Variants in DCC observed in about 807,000 individuals in gnomAD.
DCC encodes the protein DCC netrin 1 receptor.
A neutral mutation model predicts 172.5 loss-of-function variants in DCC; 58 were observed. The ratio of observed to expected loss-of-function variants is 0.34; its 90% CI spans 0.27 to 0.42. The LOEUF (loss-of-function observed/expected upper bound fraction) is 0.42. DCC is among the 10% of genes least tolerant of loss of function. DCC has a pLI of 1.00. For synonymous variants in DCC, 709 were observed against 644.5 expected (o/e 1.10, Z -1.52); for missense variants, 1,740 against 1,791.0 (o/e 0.97, Z 0.51).
chr18:52,526,373 G>T (rs891955910), intron 1 of DCC, among the ~76,000 whole-genome samples: 2 of 152,134 alleles, frequency 1.3e-5, no homozygotes, highest in African/African-American at 4.8e-5. Context: ...ATCAGTGACA[G>T]CAGCCCCTGA....
chr18:52,685,543 A>G lies in DCC; in HGVS notation c.92-66511A>G, dbSNP rs563777626. Among the ~76,000 whole-genome samples, 3 of 152,238 alleles carry G rather than the reference A, an allele frequency of 2.0e-5. No individual in the cohort carries two copies. The South Asian group carries it at 6.2e-4, about 32-fold the overall frequency. ...CATGGAATGAGTAATGCCCTCTCTC[A>G]GGAGTGAGTAACTTCTCGTTGTGGC... On this transcript the variant is annotated intron_variant, in intron 1 of 28. Transcript: ENST00000442544.
At chr18:52,502,263 G>GA (rs986248747) in intron 1 of DCC, among the ~76,000 whole-genome samples, 3 of 152,028 alleles carry the variant, frequency 2.0e-5, no homozygotes, top group East Asian at 1.9e-4. Context: ...AGTAAATAAA[G>GA]AAAAAAATGT....
intron 12 of DCC, among the ~76,000 whole-genome samples, chr18:53,240,979 G>A (rs1423429380): frequency 2.0e-5 from 3 of 152,136 alleles, no homozygotes; most frequent in Admixed American, 6.5e-5. Flanking sequence ...GTGCAGAAGA[G>A]CCACTGAAAT....
At chr18:53,280,020 A>G (rs181300004) in intron 12 of DCC, among the ~76,000 whole-genome samples, 21 of 152,210 alleles carry the variant, frequency 1.4e-4, no homozygotes, top group African/African-American at 4.8e-4. Flanking sequence ...AAAATAATCT[A>G]TACCAAGCCC....
At chr18:53,248,002 A>G (rs867057534) in intron 12 of DCC, among the ~76,000 whole-genome samples, 39 of 151,946 alleles carry the variant, frequency 2.6e-4, no homozygotes, top group Admixed American at 7.9e-4. Context: ...TAACTGCTCC[A>G]TGTCTGATCT....
rs138338187 is a variant in DCC at position 53,332,391 on chromosome 18, A to T, written c.2165-7322A>T. Reference sequence around the variant, plus strand: ...ACAAAATGCAGTTAAAAATTACAAAACAATGTTGAACTGTAAAAACTTGTG... The same window carrying T: ...ACAAAATGCAGTTAAAAATTACAAATCAATGTTGAACTGTAAAAACTTGTG... On this transcript the variant is annotated intron_variant, in intron 14 of 28. Coordinates refer to ENST00000442544, the MANE Select transcript of DCC (RefSeq NM_005215.4). 4.1e-3 allele frequency among the ~76,000 whole-genome samples: 620 copies of T among 152,340 alleles called. 5 individuals are homozygous for T. The highest frequency in any genetic ancestry group is 0.014 in the African/African-American group (587 of 41,584).
At chr18:52,789,820 G>C (rs941734251) in intron 2 of DCC, among the ~76,000 whole-genome samples, 9 of 152,048 alleles carry the variant, frequency 5.9e-5, no homozygotes, top group Admixed American at 5.9e-4. Flanking sequence ...GGAGGAGCCT[G>C]GTTTACAGTT....
intron 1 of DCC, among the ~76,000 whole-genome samples, chr18:52,699,415 C>A (rs531130176): frequency 1.3e-5 from 2 of 152,162 alleles, no homozygotes; most frequent in African/African-American, 2.4e-5. Flanking sequence ...CCTATCCCCC[C>A]CAAGGTTTGA....
chr18:53,085,982 T>C (rs554023287), intron 7 of DCC, among the ~76,000 whole-genome samples: 5 of 65,592 alleles, frequency 7.6e-5, no homozygotes, highest in African/African-American at 4.7e-4. Context: ...TTCTTCTTCT[T>C]CTTCTTCTCC....
At chr18:52,488,956 CCTT>C (rs1429577857) in intron 1 of DCC, among the ~76,000 whole-genome samples, 1 of 152,014 alleles carries the variant, frequency 6.6e-6, no homozygotes, top group East Asian at 1.9e-4. Flanking sequence ...GCCTCTTCCC[CCTT>C]CTTCTCTTCA....
intron 1 of DCC, among the ~76,000 whole-genome samples, chr18:52,358,061 C>T (rs780282119): frequency 8.5e-5 from 13 of 152,076 alleles, no homozygotes; most frequent in Non-Finnish European, 1.8e-4. Flanking sequence ...GATGGCATTT[C>T]ACCTCTGTGA....
intron 5 of DCC, among the ~76,000 whole-genome samples, chr18:53,023,353 AAAAAT>A (rs1326995496): frequency 4.0e-5 from 6 of 148,190 alleles, no homozygotes; most frequent in East Asian, 2.0e-4. Context: ...AAAACATAAA[AAAAAT>A]AAAAATAAAA....
intron 12 of DCC, among the ~76,000 whole-genome samples, chr18:53,300,064 G>T (rs906945771): frequency 1.3e-5 from 2 of 152,186 alleles, no homozygotes; most frequent in Non-Finnish European, 2.9e-5. Context: ...AAGGATCTCA[G>T]TGCGATAGTA....
At chr18:52,802,395 C>T (rs909554129) in intron 2 of DCC, among the ~76,000 whole-genome samples, 10 of 151,778 alleles carry the variant, frequency 6.6e-5, no homozygotes, top group Middle Eastern at 3.4e-3. Context: ...TATAACTGTA[C>T]GTAATTGACC....
At chr18:52,888,330 C>G (rs549176371) in intron 2 of DCC, among the ~76,000 whole-genome samples, 2 of 152,100 alleles carry the variant, frequency 1.3e-5, no homozygotes, top group Non-Finnish European at 2.9e-5. Context: ...ATGTGGTCTT[C>G]TCAGTGGATA....
intron 12 of DCC, among the ~76,000 whole-genome samples, chr18:53,302,572 A>C (rs1185496586): frequency 3.3e-5 from 5 of 151,836 alleles, no homozygotes; most frequent in Non-Finnish European, 4.4e-5. Context: ...TTCAGACTGC[A>C]CTCTTTTCCT....
rs116845927 is a variant in DCC, at chr18:53,062,591, C to G, written c.986-714C>G. On this transcript the variant is annotated intron_variant, in intron 5 of 28. Coordinates refer to ENST00000442544, the MANE Select transcript of DCC (RefSeq NM_005215.4). ...AAGGTTTTGTGGGCTAAGCCTGAGCCAAGTCATTAGCAAAGATGTGTTATA... is the reference window on the plus strand; with the variant it reads ...AAGGTTTTGTGGGCTAAGCCTGAGCGAAGTCATTAGCAAAGATGTGTTATA... Among the ~76,000 whole-genome samples, 1,010 of 152,126 alleles carry G rather than the reference C, an allele frequency of 6.6e-3. 19 individuals carry two copies. The highest frequency in any genetic ancestry group is 0.063 in the East Asian group (328 of 5,174).
intron 2 of DCC, among the ~76,000 whole-genome samples, chr18:52,888,553 T>G (rs1041142918): frequency 3.9e-5 from 6 of 152,164 alleles, no homozygotes; most frequent in Admixed American, 3.9e-4. Context: ...ATGTTCTGAT[T>G]ACTTAAAAAA....
At chr18:53,284,850 A>G (rs1455561549) in intron 12 of DCC, among the ~76,000 whole-genome samples, 1 of 152,170 alleles carries the variant, frequency 6.6e-6, no homozygotes, top group Non-Finnish European at 1.5e-5. Context: ...GTGGTCTCAG[A>G]TGGAGATTAG....
Sources: allele counts gnomAD v4.1 joint callset (sites outside exome capture counted in the v4.1 genomes callset), GRCh38; gene constraint gnomAD v4.1.1; transcripts MANE v1.5; gene names NCBI Gene and HGNC (gene_info 2026-07-23, HGNC 2026-07-21).